The following SMOC1 variants were observed in gnomAD, a reference collection of about 807,000 sequenced individuals.
SMOC1 encodes the protein SPARC related modular calcium binding 1.
SMOC1 carries 22 observed loss-of-function variants against 56.3 expected under a neutral mutation model. The observed-to-expected ratio is 0.39, with a 90% CI of 0.28 to 0.56. The LOEUF (loss-of-function observed/expected upper bound fraction) is 0.56, where lower values mean the gene tolerates loss of function less well. Among genes scored for constraint, SMOC1 ranks in the 20% least tolerant of loss-of-function variants. SMOC1 has a pLI of 0.61. For synonymous variants in SMOC1, 193 were observed against 215.0 expected (o/e 0.90, Z 0.89); for missense variants, 509 against 565.4 (o/e 0.90, Z 1.01).
intron 1 of SMOC1, among the ~76,000 whole-genome samples, chr14:69,950,233 A>T (rs914404419): frequency 7.2e-5 from 11 of 152,056 alleles, no homozygotes; most frequent in African/African-American, 2.2e-4. Flanking sequence ...GGCAGCCAGC[A>T]CCCAGGCATG....
At chr14:70,002,125 G>T (rs1369871181) in intron 7 of SMOC1, among the ~76,000 whole-genome samples, 2 of 152,152 alleles carry the variant, frequency 1.3e-5, no homozygotes, top group East Asian at 3.9e-4. Context: ...TCTCCATCTG[G>T]GCTGGAGCTG....
chr14:70,025,408 G>T (rs986461457), intron 11 of SMOC1, among the ~76,000 whole-genome samples: 1 of 152,186 alleles, frequency 6.6e-6, no homozygotes, highest in African/African-American at 2.4e-5. Context: ...CGCCATGGCT[G>T]GTTTCTGGCC....
chr14:69,952,290 A>C lies in SMOC1; in HGVS notation c.252A>C (p.Arg84=), dbSNP rs1178392806. ...ACCCGACCCTGGGCGTGGTGCATCG[A>C]GGTAGATGCAAAGGTGAGTGTGTGC... The part of the protein sequence containing the change: ...CRDPTLGVVH[R]GRCKDAGQSK... Residue 84 remains arginine, a synonymous_variant, in exon 2 of 12, where the codon CGA becomes CGC. Transcript: ENST00000361956. The C allele has an allele frequency of 6.2e-7, 1 of 1,613,960 alleles. No individual in the cohort carries two copies. Among genetic ancestry groups the C allele is most frequent in the Non-Finnish European group, 8.5e-7 (1 of 1,180,018 alleles).
intron 5 of SMOC1, among the ~76,000 whole-genome samples, chr14:69,983,496 G>A (rs79362780): frequency 2.0e-5 from 3 of 152,202 alleles, no homozygotes; most frequent in South Asian, 2.1e-4. Context: ...AACCTCCAGC[G>A]GAGCAGCAGG....
At position 70,013,503 on chromosome 14, in the gene SMOC1, A is replaced by C; in HGVS notation, c.1046+12A>C. 6.2e-7 allele frequency: 1 copy of C among 1,612,178 alleles called. No individual in the cohort carries two copies. The highest frequency in any genetic ancestry group is 8.5e-7 in the Non-Finnish European group (1 of 1,178,368). On this transcript the variant is annotated intron_variant, in intron 10 of 11. Coordinates refer to ENST00000361956, the MANE Select transcript of SMOC1 (RefSeq NM_001034852.3). ...ACTGGAGGTGGGAGGTGAGATTGTG[A>C]GCAGGAATCAGGCCCAGGAGAAAAA...
chr14:69,966,935 A>G (rs61981600), intron 3 of SMOC1, among the ~76,000 whole-genome samples: 5,173 of 152,306 alleles, frequency 0.034, 127 homozygotes, highest in Non-Finnish European at 0.05. Context: ...AGGGATTTAT[A>G]TATCTTTCCA....
chr14:69,999,015 G>T (rs1173428824), intron 7 of SMOC1, among the ~76,000 whole-genome samples: 16 of 152,146 alleles, frequency 1.1e-4, no homozygotes, highest in Non-Finnish European at 1.5e-5. Context: ...GCAGCTCATG[G>T]TGACTCTGCT....
intron 10 of SMOC1, among the ~76,000 whole-genome samples, chr14:70,017,163 C>T (rs530219161): frequency 6.6e-6 from 1 of 152,198 alleles, no homozygotes; most frequent in Non-Finnish European, 1.5e-5. Context: ...AGACCTCTTT[C>T]TGGCACACAT....
At chr14:70,006,805 T>C (rs781781152) in intron 7 of SMOC1, among the ~76,000 whole-genome samples, 12 of 152,164 alleles carry the variant, frequency 7.9e-5, no homozygotes, top group Non-Finnish European at 5.9e-5. Flanking sequence ...CTGCTCCCCT[T>C]TCCTCACTGT....
intron 7 of SMOC1, among the ~76,000 whole-genome samples, chr14:70,003,770 C>G (rs1223383884): frequency 6.6e-6 from 1 of 152,128 alleles, no homozygotes; most frequent in Non-Finnish European, 1.5e-5. Context: ...GGCAGGGCCT[C>G]AGGGAAAGCT....
At chr14:70,018,400 G>C (rs1041503253) in intron 10 of SMOC1, among the ~76,000 whole-genome samples, 1 of 152,178 alleles carries the variant, frequency 6.6e-6, no homozygotes, top group Non-Finnish European at 1.5e-5. Context: ...AAAAAACAGT[G>C]CTACAAAGAT....
chr14:69,996,317 C>G (rs1426696119), intron 7 of SMOC1, among the ~76,000 whole-genome samples: 1 of 152,124 alleles, frequency 6.6e-6, no homozygotes, highest in Non-Finnish European at 1.5e-5. Flanking sequence ...TCCCCATAAC[C>G]CTATGAGATA....
At chr14:69,997,284 A>G (rs1245530962) in intron 7 of SMOC1, among the ~76,000 whole-genome samples, 1 of 152,220 alleles carries the variant, frequency 6.6e-6, no homozygotes, top group African/African-American at 2.4e-5. Context: ...ACCTTTTCCA[A>G]GCTTTAATGT....
chr14:70,010,409 C>T (rs1159393974), intron 7 of SMOC1, among the ~76,000 whole-genome samples: 3 of 152,222 alleles, frequency 2.0e-5, no homozygotes, highest in East Asian at 1.9e-4. Flanking sequence ...CAGCAGGAGC[C>T]ACTCTGAAAA....
At chr14:70,004,690 C>G (rs925876633) in intron 7 of SMOC1, among the ~76,000 whole-genome samples, 4 of 151,694 alleles carry the variant, frequency 2.6e-5, no homozygotes, top group Non-Finnish European at 5.9e-5. Flanking sequence ...AAATATCACT[C>G]TCTCTCTCTC....
chr14:69,990,047 C>T (rs1289316751), intron 5 of SMOC1, among the ~76,000 whole-genome samples: 2 of 152,212 alleles, frequency 1.3e-5, no homozygotes, highest in East Asian at 3.9e-4. Context: ...ATCTCTTCAC[C>T]CTCAGTGACC....
chr14:69,983,334 A>G (rs1446215881), intron 5 of SMOC1, among the ~76,000 whole-genome samples: 1 of 152,242 alleles, frequency 6.6e-6, no homozygotes, highest in Non-Finnish European at 1.5e-5. Context: ...GCAAATATTT[A>G]TGGAGAACTT....
intron 4 of SMOC1, among the ~76,000 whole-genome samples, chr14:69,976,820 G>A (rs1883977971): frequency 6.6e-6 from 1 of 152,170 alleles, no homozygotes; most frequent in Non-Finnish European, 1.5e-5. Context: ...TAAAACCGAT[G>A]GGAAATTCCA....
At chr14:70,011,458 A>AC (rs61674022) in intron 8 of SMOC1, 27 bp from the exon 9 acceptor site, 364 of 1,151,478 alleles carry the variant, frequency 3.2e-4, no homozygotes, top group East Asian at 2.5e-3. Context: ...GCCCCTCCCA[A>AC]CCCCCCCCAT....
Sources: gnomAD v4.1 joint callset for allele counts (sites outside exome capture counted in the v4.1 genomes callset) on GRCh38, gnomAD v4.1.1 for gene constraint, MANE v1.5 for transcripts, NCBI Gene and HGNC (gene_info 2026-07-23, HGNC 2026-07-21) for gene names.